Variants in LTF observed in about 807,000 individuals in gnomAD.
The protein encoded by LTF is lactotransferrin.
Under a neutral mutation model 87.2 loss-of-function variants are expected in LTF, and 91 were observed. The observed-to-expected ratio is 1.04, with a 90% CI of 0.88 to 1.24. LTF has a LOEUF of 1.24. Ranked by LOEUF, LTF falls within the 50% of genes most tolerant of loss-of-function variation. LTF has a pLI of 0.00. For missense variants in LTF, 901 were observed against 904.3 expected (o/e 1.00, Z 0.05); for synonymous variants, 378 against 356.1 (o/e 1.06, Z -0.69).
At chr3:46,442,698 C>T (rs1702552258) in intron 13 of LTF, among the ~76,000 whole-genome samples, 1 of 152,078 alleles carries the variant, frequency 6.6e-6, no homozygotes, top group Admixed American at 6.5e-5. Context: ...TCTGTCATTC[C>T]ATTACTGGAA....
intron 7 of LTF, 63 bp from the exon 8 acceptor site, chr3:46,450,091 G>C: frequency 7.5e-7 from 1 of 1,337,214 alleles, no homozygotes; most frequent in Non-Finnish European, 1.0e-6. Context: ...AAAAAATGAT[G>C]TTAAAAAAGA....
chr3:46,482,703 G>GGAAA lies in LTF; in HGVS notation c.-320+2279_-320+2282dup, dbSNP rs1184239628. ...AGGAAGGAAGGAAGGAAGGAAGGAA[G>GGAAA]GAAAGAAAGAAAGAGAAAGAAAGGA... On this transcript the variant is annotated intron_variant, in intron 1 of 19. Coordinates refer to the LTF transcript ENST00000443496. Among the ~76,000 whole-genome samples the GGAAA allele has an allele frequency of 6.8e-3, 629 of 92,726 alleles. 39 individuals carry two copies. Among genetic ancestry groups the GGAAA allele is most frequent in the African/African-American group, 0.026 (598 of 23,114 alleles). The allele number at this position is 92,726 out of a possible 152,430, so 60.8% of individuals were successfully genotyped here. A position where few individuals can be genotyped will look rare whatever the true frequency, so the allele number is the denominator to read the frequency against.
Position 46,473,031 on chromosome 3 carries a change from G to A in LTF, c.-319-2565C>T, listed in dbSNP as rs1033073045. Among the ~76,000 whole-genome samples the A allele has an allele frequency of 7.9e-5, 12 of 152,034 alleles. No individual in the cohort carries two copies. The South Asian group carries it at 1.7e-3, about 21-fold the overall frequency. On this transcript the variant is annotated intron_variant, in intron 1 of 19. Coordinates refer to the LTF transcript ENST00000443496. The stretch of plus-strand genomic sequence containing the variant: ...TGTCATCTGGGCCCAGATGCATTCA[G>A]TTCTTCCTCCATCCTGCCTCTTGCG...
chr3:46,458,613 C>A (rs375354243), intron 2 of LTF, among the ~76,000 whole-genome samples: 1 of 152,160 alleles, frequency 6.6e-6, no homozygotes, highest in Non-Finnish European at 1.5e-5. Context: ...TCGCTCTTGT[C>A]GCCCAGGCTG....
intron 1 of LTF, chr3:46,460,611 C>T (rs1357978830): frequency 2.2e-6 from 1 of 454,780 alleles, no homozygotes; most frequent in African/African-American, 2.0e-5. Context: ...CAATGAACAT[C>T]ATACTAAAAT....
At chr3:46,447,164 C>T (rs1329929365) in intron 10 of LTF, 144 bp downstream of exon 10, 6 of 657,784 alleles carry the variant, frequency 9.1e-6, no homozygotes, top group African/African-American at 8.9e-5. Flanking sequence ...AACACGGCCC[C>T]TTTCATTTCT....
intron 11 of LTF, 103 bp downstream of exon 11, chr3:46,446,337 T>C: frequency 1.1e-6 from 1 of 893,730 alleles, no homozygotes; most frequent in South Asian, 1.6e-5. Context: ...CCCTATAGCT[T>C]CTAGGGCTGC....
At chr3:46,449,400 A>C (rs1206672773) in intron 8 of LTF, among the ~76,000 whole-genome samples, 1 of 152,118 alleles carries the variant, frequency 6.6e-6, no homozygotes, top group Non-Finnish European at 1.5e-5. Flanking sequence ...AACGCCTGCA[A>C]TCACCACCAA....
chr3:46,482,685 AAGGAAGGAAGGAAGGAAG>A (rs1231759351), intron 1 of LTF, among the ~76,000 whole-genome samples: 32 of 123,360 alleles, frequency 2.6e-4, no homozygotes, highest in African/African-American at 1.0e-3. Flanking sequence ...GGAAGGAAGG[AAGGAAGGAAGGAAGGAAG>A]GAAAGAAAGA....
chr3:46,483,500 G>A (rs1264372281), intron 1 of LTF, among the ~76,000 whole-genome samples: 1 of 152,192 alleles, frequency 6.6e-6, no homozygotes, highest in African/African-American at 2.4e-5. Flanking sequence ...ATAGTATTGA[G>A]CATAAGAGGT....
At chr3:46,448,368 T>TAA (rs10653871) in intron 9 of LTF, among the ~76,000 whole-genome samples, 66,915 of 148,792 alleles carry the variant, frequency 0.45, 15,329 homozygotes, top group African/African-American at 0.57. Context: ...ATCTGTCTCT[T>TAA]AAAAAAAAAA....
chr3:46,453,468 C>T (rs763898171), intron 6 of LTF, among the ~76,000 whole-genome samples: 87 of 151,104 alleles, frequency 5.8e-4, no homozygotes, highest in Non-Finnish European at 8.9e-4. Context: ...CTGATGAATG[C>T]GGGGTCTGTC....
chr3:46,471,623 C>T (rs1275584101), intron 1 of LTF, among the ~76,000 whole-genome samples: 4 of 152,186 alleles, frequency 2.6e-5, no homozygotes, highest in African/African-American at 4.8e-5. Flanking sequence ...TAAAGGTACA[C>T]GGAGAAAGGA....
At chr3:46,452,282 T>C (rs1217560872) in intron 6 of LTF, among the ~76,000 whole-genome samples, 2 of 152,140 alleles carry the variant, frequency 1.3e-5, no homozygotes, top group Non-Finnish European at 2.9e-5. Flanking sequence ...AACCATTAAG[T>C]AGCTAATAAT....
In LTF at chr3:46,448,946, A is replaced by G; in HGVS notation, c.1129T>C (p.Cys377Arg). 6.2e-7 allele frequency: 1 copy of G among 1,613,708 alleles called. No homozygotes were observed. The highest frequency in any genetic ancestry group is 8.5e-7 in the Non-Finnish European group (1 of 1,179,908). The change falls in exon 9 of 17, where the codon TGT becomes CGT. Residue 377 changes from cysteine to arginine, a missense_variant. By Grantham distance (180) the Cys-to-Arg change is radical. Coordinates refer to ENST00000231751, the MANE Select transcript of LTF (RefSeq NM_002343.6). ...CAVGEQELRK[C>R]NQWSGLSEGS... ...TCGCTCAAGCCACTCCACTGGTTAC[A>G]CTTGCGCAGCTCCTGCTCGCCCACC...
At position 46,450,660 on chromosome 3, in the gene LTF, G is replaced by T. The variant is rs139100229; in HGVS notation, c.717C>A (p.Asp239Glu). 16 of 1,611,150 alleles carry T rather than the reference G, an allele frequency of 9.9e-6. No individual in the cohort carries two copies. Among genetic ancestry groups the T allele is most frequent in the Non-Finnish European group, 1.4e-5 (16 of 1,177,444 alleles). Residue 239 changes from aspartate (D) to glutamate (E), a missense_variant, in exon 7 of 17, where the codon GAC becomes GAA. Transcript: ENST00000231751. ...RESTVFEDLS[D>E]EAERDEYELL... The stretch of plus-strand genomic sequence containing the variant: ...ACTCATACTCGTCCCTTTCAGCCTC[G>T]TCTGACAGGTCCTCTGCAGGGAAGG...
At chr3:46,460,055 T>C (rs535698529) in intron 1 of LTF, among the ~76,000 whole-genome samples, 5 of 152,244 alleles carry the variant, frequency 3.3e-5, no homozygotes, top group Non-Finnish European at 5.9e-5. Flanking sequence ...AAAGTCCCTC[T>C]AGATTATTTT....
chr3:46,484,903 C>G (rs1703496804), intron 1 of LTF: 1 of 152,236 alleles, frequency 6.6e-6, no homozygotes, highest in African/African-American at 2.4e-5. Context: ...TCCTCCCTGG[C>G]CAGCCCCACT....
chr3:46,451,224 T>C (rs573288891), intron 6 of LTF, among the ~76,000 whole-genome samples: 1 of 152,324 alleles, frequency 6.6e-6, no homozygotes, highest in East Asian at 1.9e-4. Context: ...GTGAAAAAAA[T>C]CTTGCCCGAG....
Sources: allele counts gnomAD v4.1 joint callset (sites outside exome capture counted in the v4.1 genomes callset), GRCh38; gene constraint gnomAD v4.1.1; transcripts MANE v1.5; gene names NCBI Gene and HGNC (gene_info 2026-07-23, HGNC 2026-07-21).